The following FHIT variants were observed in gnomAD, a reference collection of about 807,000 sequenced individuals.
The protein encoded by FHIT is bis(5'-adenosyl)-triphosphatase.
A neutral mutation model predicts 17.9 loss-of-function variants in FHIT; 19 were observed. That is an observed-to-expected ratio of 1.06 (90% CI 0.74 to 1.56). The LOEUF (loss-of-function observed/expected upper bound fraction) is 1.56, where lower values mean the gene tolerates loss of function less well. Ranked by LOEUF, FHIT falls within the 40% of genes most tolerant of loss-of-function variation. The probability of loss-of-function intolerance (pLI) is 0.00; values close to 1 mark genes in which losing one functional copy is unlikely to be tolerated. For missense variants in FHIT, 248 were observed against 189.2 expected, an observed-to-expected ratio of 1.31 and a Z score of -1.82; for synonymous variants, 81 against 69.7, an observed-to-expected ratio of 1.16 and a Z score of -0.81.
chr3:60,544,654 T>A (rs764662782), intron 4 of FHIT, among the ~76,000 whole-genome samples: 1 of 142,264 alleles, frequency 7.0e-6, no homozygotes, highest in Non-Finnish European at 1.5e-5. Context: ...CTGGACACAG[T>A]GGCACGATCT....
chr3:61,103,898 T>C (rs1347760386), intron 2 of FHIT, among the ~76,000 whole-genome samples: 3 of 151,954 alleles, frequency 2.0e-5, no homozygotes, highest in Non-Finnish European at 4.4e-5. Flanking sequence ...TTTCTTTTTT[T>C]TTTTTCTTTC....
intron 8 of FHIT, among the ~76,000 whole-genome samples, chr3:59,794,594 C>T (rs765078428): frequency 6.6e-6 from 1 of 152,186 alleles, no homozygotes; most frequent in Admixed American, 6.5e-5. Flanking sequence ...CAGTGGTCCT[C>T]GGAGACAGCT....
chr3:60,766,376 C>T (rs777197488), intron 4 of FHIT, among the ~76,000 whole-genome samples: 32 of 152,116 alleles, frequency 2.1e-4, no homozygotes, highest in Admixed American at 4.6e-4. Context: ...GCAGCCTGTC[C>T]GGCTTACTGT....
chr3:59,973,575 A>T (rs1708280380), intron 7 of FHIT, among the ~76,000 whole-genome samples: 1 of 152,082 alleles, frequency 6.6e-6, no homozygotes. Context: ...ATCCTACCAC[A>T]AACATGTCTT....
intron 5 of FHIT, among the ~76,000 whole-genome samples, chr3:60,398,959 A>T (rs1047173466): frequency 2.0e-5 from 3 of 152,200 alleles, no homozygotes; most frequent in Non-Finnish European, 2.9e-5. Flanking sequence ...AAGTCTATAC[A>T]TAAGAATGAA....
chr3:59,990,331 T>A (rs969171146), intron 7 of FHIT, among the ~76,000 whole-genome samples: 1 of 152,066 alleles, frequency 6.6e-6, no homozygotes, highest in African/African-American at 2.4e-5. Flanking sequence ...TTGGCCTCAA[T>A]CGGTAGCAAT....
At chr3:59,909,817 G>A (rs548389347) in intron 8 of FHIT, among the ~76,000 whole-genome samples, 1 of 152,258 alleles carries the variant, frequency 6.6e-6, no homozygotes, top group South Asian at 2.1e-4. Context: ...CTCTTAAAAA[G>A]TGACCCCTGA....
intron 7 of FHIT, among the ~76,000 whole-genome samples, chr3:60,009,450 GT>G (rs1559545195): frequency 9.2e-5 from 14 of 151,986 alleles, no homozygotes; most frequent in African/African-American, 3.4e-4. Flanking sequence ...TCATATATAA[GT>G]ACTATATGTT....
chr3:60,568,013 T>C (rs2037204370), intron 4 of FHIT, among the ~76,000 whole-genome samples: 1 of 152,212 alleles, frequency 6.6e-6, no homozygotes, highest in Non-Finnish European at 1.5e-5. Context: ...TTGGTGGGAC[T>C]GTAAACTAGT....
At chr3:60,826,593 C>T (rs550636546) in intron 3 of FHIT, among the ~76,000 whole-genome samples, 5 of 152,266 alleles carry the variant, frequency 3.3e-5, no homozygotes, top group South Asian at 4.1e-4. Flanking sequence ...TAATAATCAG[C>T]GTGACCATTG....
In FHIT at chr3:61,222,726, A is replaced by G. The variant is rs2039872451; in HGVS notation, c.-212-22061T>C. ...GAAAAATGAGGAGGATTACAGTACT[A>G]GATACTTCAGTCCGGCAACTCTGAA... On this transcript the variant is annotated intron_variant, in intron 1 of 9. Coordinates refer to ENST00000492590, the MANE Select transcript of FHIT (RefSeq NM_002012.4). Among the ~76,000 whole-genome samples the G allele has an allele frequency of 2.6e-5, 4 of 152,302 alleles. No individual in the cohort carries two copies. The South Asian group carries it at 8.3e-4, about 32-fold the overall frequency.
intron 5 of FHIT, among the ~76,000 whole-genome samples, chr3:60,022,464 A>G (rs932331193): frequency 5.3e-5 from 8 of 152,224 alleles, no homozygotes; most frequent in Non-Finnish European, 1.0e-4. Flanking sequence ...AAAGCCCTTA[A>G]CTTCTAGTAT....
At chr3:60,324,573 G>GGAAAAAAAAAAAAAAAAAAAAAAAAAAAA (rs757433390) in intron 5 of FHIT, among the ~76,000 whole-genome samples, 1 of 128,858 alleles carries the variant, frequency 7.8e-6, no homozygotes, top group African/African-American at 3.0e-5. Context: ...GACTCCATCA[G>GGAAAAAAAAAAAAAAAAAAAAAAAAAAAA]AAAAAAAAAA....
intron 5 of FHIT, among the ~76,000 whole-genome samples, chr3:60,046,290 C>T (rs573458370): frequency 6.6e-6 from 1 of 152,280 alleles, no homozygotes; most frequent in East Asian, 1.9e-4. Flanking sequence ...TTTAGGCAAA[C>T]ATAGGGTGTT....
chr3:59,771,762 T>TA (rs1318259103), intron 8 of FHIT, among the ~76,000 whole-genome samples: 5 of 152,158 alleles, frequency 3.3e-5, no homozygotes, highest in Admixed American at 1.3e-4. Context: ...CTTCTCGTCA[T>TA]AAAAAAATTT....
At chr3:60,048,791 C>T (rs1055878089) in intron 5 of FHIT, among the ~76,000 whole-genome samples, 2 of 152,118 alleles carry the variant, frequency 1.3e-5, no homozygotes, top group Non-Finnish European at 2.9e-5. Flanking sequence ...ACCGTGATGC[C>T]CTCCGATGAC....
chr3:59,809,110 C>A (rs1222657528), intron 8 of FHIT, among the ~76,000 whole-genome samples: 1 of 152,120 alleles, frequency 6.6e-6, no homozygotes. Flanking sequence ...AGTTAAGGAA[C>A]ACATACTGGG....
intron 3 of FHIT, among the ~76,000 whole-genome samples, chr3:60,920,963 G>A (rs562348513): frequency 3.2e-4 from 48 of 152,214 alleles, no homozygotes; most frequent in African/African-American, 1.0e-3. Flanking sequence ...GTAAACTGCC[G>A]CAGACGATTT....
At chr3:60,511,820 A>G (rs559251486) in intron 5 of FHIT, among the ~76,000 whole-genome samples, 1 of 152,312 alleles carries the variant, frequency 6.6e-6, no homozygotes, top group Admixed American at 6.5e-5. Flanking sequence ...TTATAGATAA[A>G]TAGGGTTATC....
Sources: allele counts gnomAD v4.1 joint callset (sites outside exome capture counted in the v4.1 genomes callset), GRCh38; gene constraint gnomAD v4.1.1; transcripts MANE v1.5; gene names NCBI Gene and HGNC (gene_info 2026-07-23, HGNC 2026-07-21).